The following FILIP1 variants were observed in gnomAD, a reference collection of about 807,000 sequenced individuals.
The protein encoded by FILIP1 is filamin-A-interacting protein 1.
A neutral mutation model predicts 102.1 loss-of-function variants in FILIP1; 61 were observed. That is an observed-to-expected ratio of 0.60 (90% confidence interval 0.49 to 0.74). The LOEUF (loss-of-function observed/expected upper bound fraction) is 0.74, where lower values mean the gene tolerates loss of function less well. FILIP1 is among the 30% of genes least tolerant of loss of function. The pLI is 0.00. For synonymous variants in FILIP1, 491 were observed against 526.9 expected (o/e 0.93, Z 0.93); for missense variants, 1,314 against 1,441.2 (o/e 0.91, Z 1.43).
intron 6 of FILIP1, among the ~76,000 whole-genome samples, chr6:75,296,166 C>T (rs954022163): frequency 6.6e-6 from 1 of 152,096 alleles, no homozygotes; most frequent in African/African-American, 2.4e-5. Context: ...TTAGAAACTA[C>T]GTCTAACGTT....
chr6:75,308,901 T>C lies in FILIP1; in HGVS notation c.3436-4A>G, dbSNP rs1243241647. The C allele has an allele frequency of 6.2e-7, 1 of 1,613,838 alleles. No individual in the cohort carries two copies. The highest frequency in any genetic ancestry group is 1.1e-5 in the South Asian group (1 of 91,068). On this transcript the variant is annotated splice_polypyrimidine_tract_variant and splice_region_variant and intron_variant, in intron 5 of 5. Transcript: ENST00000237172. ...GGGATGACCCGTCTTGTCCTGACTGTAAGAGAGAAAATACGTAGATACAAG... is the reference window on the plus strand; with the variant it reads ...GGGATGACCCGTCTTGTCCTGACTGCAAGAGAGAAAATACGTAGATACAAG...
intron 3 of FILIP1, among the ~76,000 whole-genome samples, chr6:75,358,056 G>C (rs976465406): frequency 1.3e-5 from 2 of 152,190 alleles, no homozygotes; most frequent in African/African-American, 4.8e-5. Flanking sequence ...AAAATTGAAT[G>C]AGATAATCAT....
intron 1 of FILIP1, among the ~76,000 whole-genome samples, chr6:75,436,057 G>A (rs1469595303): frequency 3.9e-5 from 6 of 152,242 alleles, no homozygotes; most frequent in Admixed American, 3.9e-4. Context: ...TAGGATCACA[G>A]AAGTCATAAG....
chr6:75,342,419 A>G (rs1302716841), intron 4 of FILIP1, among the ~76,000 whole-genome samples: 1 of 152,254 alleles, frequency 6.6e-6, no homozygotes, highest in African/African-American at 2.4e-5. Context: ...CACGTGTGCA[A>G]GAAATACAAT....
chr6:75,312,469 AC>A lies in FILIP1; in HGVS notation c.3362del (p.Gly1121ValfsTer5). The A allele has an allele frequency of 6.2e-7, 1 of 1,614,088 alleles. No individual in the cohort carries two copies. Among genetic ancestry groups the A allele is most frequent in the Non-Finnish European group, 8.5e-7 (1 of 1,180,026 alleles). ...SPRNHLSSRP[G>X]ASKVTSTITI... ...TGATAGTGCTCGTCACTTTGCTTGCACCAGGCCGTGAGGAGAGGTGATTCCT... is the reference window on the plus strand; with the variant it reads ...TGATAGTGCTCGTCACTTTGCTTGCACAGGCCGTGAGGAGAGGTGATTCCT... On this transcript the variant is annotated frameshift_variant, in exon 5 of 6. Transcript: ENST00000237172. LOFTEE classifies it high-confidence loss of function.
intron 1 of FILIP1, among the ~76,000 whole-genome samples, chr6:75,473,425 G>A (rs1184314255): frequency 6.6e-6 from 1 of 152,054 alleles, no homozygotes; most frequent in Non-Finnish European, 1.5e-5. Context: ...TAACCTTGAT[G>A]CTAGTGTTGT....
intron 1 of FILIP1, among the ~76,000 whole-genome samples, chr6:75,472,386 T>C (rs1240659090): frequency 2.0e-5 from 3 of 152,152 alleles, no homozygotes; most frequent in Admixed American, 2.0e-4. Flanking sequence ...AATGTTAATT[T>C]AATAGAACAG....
At chr6:75,464,885 T>A (rs1007629233) in intron 1 of FILIP1, among the ~76,000 whole-genome samples, 1 of 152,130 alleles carries the variant, frequency 6.6e-6, no homozygotes, top group Non-Finnish European at 1.5e-5. Flanking sequence ...TTCTCTCACA[T>A]CCACATCCAA....
chr6:75,493,172 T>A (rs533498992), intron 1 of FILIP1, among the ~76,000 whole-genome samples: 1 of 152,346 alleles, frequency 6.6e-6, no homozygotes, highest in South Asian at 2.1e-4. Context: ...AATATTTTGA[T>A]GTCTACTAAA....
chr6:75,351,910 C>G (rs1774822303), intron 4 of FILIP1, among the ~76,000 whole-genome samples: 2 of 152,106 alleles, frequency 1.3e-5, no homozygotes, highest in African/African-American at 4.8e-5. Flanking sequence ...ACTGGTTACT[C>G]CAGGATGTCG....
intron 1 of FILIP1, among the ~76,000 whole-genome samples, chr6:75,434,793 T>C (rs983588046): frequency 1.3e-5 from 2 of 152,268 alleles, no homozygotes; most frequent in Non-Finnish European, 1.5e-5. Context: ...CTTCCAGCTT[T>C]TGCCCATGCA....
intron 1 of FILIP1, among the ~76,000 whole-genome samples, chr6:75,424,757 C>T (rs1338084763): frequency 1.3e-5 from 2 of 152,042 alleles, no homozygotes; most frequent in African/African-American, 2.4e-5. Flanking sequence ...ACAAGTTAAC[C>T]TCCATGGGGT....
At chr6:75,394,348 T>G (rs1437081370) in intron 2 of FILIP1, among the ~76,000 whole-genome samples, 3 of 152,056 alleles carry the variant, frequency 2.0e-5, no homozygotes, top group Non-Finnish European at 4.4e-5. Flanking sequence ...AGAAGAAAAT[T>G]TGAAAGAAAT....
intron 2 of FILIP1, chr6:75,384,975 T>G (rs1456407040): frequency 1.3e-5 from 2 of 150,172 alleles, no homozygotes; most frequent in Non-Finnish European, 3.0e-5. Flanking sequence ...TTTTTTTTTT[T>G]TTTTTGGAGA....
intron 2 of FILIP1, among the ~76,000 whole-genome samples, chr6:75,370,581 T>C (rs1775485090): frequency 1.4e-5 from 2 of 146,114 alleles, no homozygotes; most frequent in South Asian, 4.4e-4. Flanking sequence ...TTTTTTTTTT[T>C]TTTTTTTTTT....
chr6:75,414,932 C>G lies in FILIP1; in HGVS notation c.41G>C (p.Gly14Ala). ...GGAGGGCTTGGGACAGGAGATATGC[C>G]CATCAGATGCACTTTCACCACCTTG... ...RNQGGESASD[G>A]HISCPKPSII... Residue 14 changes from glycine to alanine, a missense_variant, in exon 2 of 6, where the codon GGG becomes GCG. Gly to Ala is a moderately conservative substitution (Grantham distance 60). Coordinates refer to ENST00000237172, the MANE Select transcript of FILIP1 (RefSeq NM_015687.5). 4 of 1,613,680 alleles carry G rather than the reference C, an allele frequency of 2.5e-6. No individual in the cohort carries two copies. The highest frequency in any genetic ancestry group is 3.4e-6 in the Non-Finnish European group (4 of 1,179,800).
intron 1 of FILIP1, among the ~76,000 whole-genome samples, chr6:75,431,456 C>A (rs1425862103): frequency 6.6e-6 from 1 of 152,162 alleles, no homozygotes; most frequent in Admixed American, 6.5e-5. Context: ...GTGTCCTTTA[C>A]CCTTCTTCCC....
At chr6:75,485,998 TACACACAC>T (rs71002741) in intron 1 of FILIP1, among the ~76,000 whole-genome samples, 2 of 100,578 alleles carry the variant, frequency 2.0e-5, no homozygotes, top group East Asian at 5.1e-4. Flanking sequence ...CACACACACA[TACACACAC>T]ACACACACAC....
In FILIP1 at chr6:75,390,844, A is replaced by G. The variant is rs138052427; in HGVS notation, c.276+23853T>C. 2.8e-4 allele frequency among the ~76,000 whole-genome samples: 42 copies of G among 151,798 alleles called. No individual in the cohort carries two copies. The East Asian group carries it at 7.0e-3, about 25-fold the overall frequency. On this transcript the variant is annotated intron_variant, in intron 2 of 5. Coordinates refer to ENST00000237172, the MANE Select transcript of FILIP1 (RefSeq NM_015687.5). The stretch of plus-strand genomic sequence containing the variant: ...AGATTTTTGCCTCTGGATTGCTGTT[A>G]TTCTCTCTAATACTACTTTTGCCAA...
Sources: gnomAD v4.1 joint callset for allele counts (sites outside exome capture counted in the v4.1 genomes callset) on GRCh38, gnomAD v4.1.1 for gene constraint, MANE v1.5 for transcripts, NCBI Gene and HGNC (gene_info 2026-07-23, HGNC 2026-07-21) for gene names.